Variants in UEVLD observed in about 807,000 individuals in gnomAD.
UEVLD encodes the protein ubiquitin-conjugating enzyme E2 variant 3.
A neutral mutation model predicts 58.6 loss-of-function variants in UEVLD; 47 were observed. That is an observed-to-expected ratio of 0.80 (90% confidence interval 0.63 to 1.02). UEVLD has a LOEUF of 1.02. Ranked by LOEUF, UEVLD falls within the 50% of genes least tolerant of loss-of-function variation. UEVLD has a pLI of 0.00. For missense variants in UEVLD, 510 were observed against 550.6 expected (o/e 0.93, Z 0.74); for synonymous variants, 197 against 195.3 (o/e 1.01, Z -0.07).
At chr11:18,568,785 T>C (rs750940192) in intron 4 of UEVLD, among the ~76,000 whole-genome samples, 2 of 152,214 alleles carry the variant, frequency 1.3e-5, no homozygotes, top group Non-Finnish European at 2.9e-5. Flanking sequence ...CACCTTTTTA[T>C]AAGCTGTCTA....
intron 1 of UEVLD, among the ~76,000 whole-genome samples, chr11:18,579,095 C>A (rs972383103): frequency 3.3e-5 from 5 of 151,936 alleles, no homozygotes; most frequent in Non-Finnish European, 7.4e-5. Flanking sequence ...TCTCGAACTC[C>A]TGACCTCGTG....
chr11:18,567,400 A>G (rs573603894), intron 4 of UEVLD, among the ~76,000 whole-genome samples: 2 of 152,220 alleles, frequency 1.3e-5, no homozygotes, highest in Non-Finnish European at 2.9e-5. Flanking sequence ...TAGTATGCTC[A>G]TTTAAAAAGT....
At chr11:18,568,720 T>C (rs1037546193) in intron 4 of UEVLD, among the ~76,000 whole-genome samples, 9 of 152,178 alleles carry the variant, frequency 5.9e-5, no homozygotes, top group Non-Finnish European at 1.3e-4. Context: ...TTAAATGTTT[T>C]CTATATAAAA....
intron 11 of UEVLD, 120 bp downstream of exon 11, chr11:18,534,209 TA>T (rs1431450130): frequency 9.9e-6 from 7 of 710,242 alleles, no homozygotes; most frequent in Non-Finnish European, 1.0e-5. Context: ...TCCTACCTGT[TA>T]CTCTAAAAGC....
chr11:18,566,553 G>A (rs1185628099), intron 4 of UEVLD, 71 bp from the exon 5 acceptor site: 1 of 1,527,814 alleles, frequency 6.5e-7, no homozygotes, highest in Non-Finnish European at 8.9e-7. Context: ...TGTTGAGGCA[G>A]GAGTATTACT....
intron 7 of UEVLD, among the ~76,000 whole-genome samples, chr11:18,552,337 G>A (rs371192024): frequency 2.0e-5 from 3 of 152,148 alleles, no homozygotes; most frequent in Non-Finnish European, 4.4e-5. Context: ...TTGAGGCCAC[G>A]AGTTTTGAGA....
At chr11:18,561,983 C>T (rs1262199002) in intron 6 of UEVLD, among the ~76,000 whole-genome samples, 1 of 152,120 alleles carries the variant, frequency 6.6e-6, no homozygotes, top group African/African-American at 2.4e-5. Context: ...CTGCTACCAC[C>T]ACTACTTTTG....
chr11:18,582,978 A>G (rs1483123068), intron 1 of UEVLD, among the ~76,000 whole-genome samples: 1 of 152,184 alleles, frequency 6.6e-6, no homozygotes, highest in Non-Finnish European at 1.5e-5. Flanking sequence ...GCTGGAGTGC[A>G]ATGGCGTGAT....
At chr11:18,561,085 G>A (rs1412525224) in intron 6 of UEVLD, among the ~76,000 whole-genome samples, 2 of 152,098 alleles carry the variant, frequency 1.3e-5, no homozygotes, top group African/African-American at 4.8e-5. Context: ...CAAGAACTCA[G>A]GTGGTACCAA....
chr11:18,575,301 C>T lies in UEVLD; in HGVS notation c.193+46G>A, dbSNP rs1472712572. Reference sequence around the variant, plus strand: ...AAACAAATTTAAGTTATTAAATGAACTGCTCTTTTAGAAAACTCACACATT... The same window carrying T: ...AAACAAATTTAAGTTATTAAATGAATTGCTCTTTTAGAAAACTCACACATT... On this transcript the variant is annotated intron_variant, in intron 3 of 11. Transcript: ENST00000396197. 3.8e-6 allele frequency: 6 copies of T among 1,560,910 alleles called. No individual in the cohort carries two copies. The African/African-American group carries it at 7.0e-5, about 18-fold the overall frequency.
chr11:18,579,287 G>A (rs1174466558), intron 1 of UEVLD: 1 of 202,818 alleles, frequency 4.9e-6, no homozygotes, highest in African/African-American at 2.4e-5. Context: ...CTTTACAACT[G>A]CTCTATAGGA....
At chr11:18,545,850 C>T (rs1851285309) in intron 8 of UEVLD, among the ~76,000 whole-genome samples, 1 of 152,084 alleles carries the variant, frequency 6.6e-6, no homozygotes, top group Admixed American at 6.5e-5. Flanking sequence ...ATAATTTCTT[C>T]TTATTGATCG....
intron 4 of UEVLD, 39 bp from the exon 5 acceptor site, chr11:18,566,521 T>C (rs1852311928): frequency 6.2e-7 from 1 of 1,602,934 alleles, no homozygotes; most frequent in African/African-American, 1.3e-5. Context: ...TACACAAAAA[T>C]TTTGCTGAAG....
In UEVLD at chr11:18,578,772, T is replaced by A; in HGVS notation, c.79A>T (p.Asn27Tyr). 3 of 1,609,232 alleles carry A rather than the reference T, an allele frequency of 1.9e-6. No individual in the cohort carries two copies. Among genetic ancestry groups the A allele is most frequent in the Non-Finnish European group, 2.5e-6 (3 of 1,177,666 alleles). Residue 27 changes from asparagine (N) to tyrosine (Y), a missense_variant, in exon 2 of 12, where the codon AAT becomes TAT. By Grantham distance (143) the Asn-to-Tyr change is moderately radical. Transcript: ENST00000396197. ...FRDLTVEELR[N>Y]VNVFFPHFKY... ...AAATGTGGGAAAAATACATTTACAT[T>A]CCTTAGTTCTTCCACAGTTAGGTCC...
rs922745079 is a variant in UEVLD, at chr11:18,586,391, A to T, written c.42+2222T>A. 5.3e-5 allele frequency among the ~76,000 whole-genome samples: 8 copies of T among 151,394 alleles called. 1 individual carries two copies. The highest frequency in any genetic ancestry group is 3.9e-4 in the Admixed American group (6 of 15,190). ...CACCACGCCTGGCTTATTTTTTTGT[A>T]TTTTTAGTAGAGATGGGGTTTCACC... On this transcript the variant is annotated intron_variant, in intron 1 of 11. Coordinates refer to ENST00000396197, the MANE Select transcript of UEVLD (RefSeq NM_001040697.4).
At chr11:18,584,939 G>C (rs1333127566) in intron 1 of UEVLD, among the ~76,000 whole-genome samples, 4 of 151,882 alleles carry the variant, frequency 2.6e-5, no homozygotes, top group Non-Finnish European at 4.4e-5. Flanking sequence ...CCTATTTATT[G>C]GTTCTAATAT....
chr11:18,553,265 G>A (rs1222885682), intron 7 of UEVLD, among the ~76,000 whole-genome samples: 2 of 151,136 alleles, frequency 1.3e-5, no homozygotes, highest in African/African-American at 4.9e-5. Flanking sequence ...AGCGGAGGTT[G>A]CAGTGGGCCA....
chr11:18,547,107 G>A, intron 7 of UEVLD, 57 bp from the exon 8 acceptor site: 3 of 1,541,416 alleles, frequency 1.9e-6, no homozygotes, highest in Non-Finnish European at 2.6e-6. Context: ...TCAAGTTCTA[G>A]TTCACGATTA....
chr11:18,569,268 T>G (rs921656837), intron 4 of UEVLD, among the ~76,000 whole-genome samples: 2 of 152,162 alleles, frequency 1.3e-5, no homozygotes, highest in African/African-American at 4.8e-5. Context: ...ATACTATACA[T>G]CTGTCTAAAC....
Sources: allele counts gnomAD v4.1 joint callset (sites outside exome capture counted in the v4.1 genomes callset), GRCh38; gene constraint gnomAD v4.1.1; transcripts MANE v1.5; gene names NCBI Gene and HGNC (gene_info 2026-07-23, HGNC 2026-07-21).